Variants in USP53 observed in about 807,000 individuals in gnomAD.
USP53 encodes the protein ubiquitin carboxyl-terminal hydrolase 53.
USP53 carries 71 observed loss-of-function variants against 94.9 expected under a neutral mutation model. The observed-to-expected ratio is 0.75, with a 90% confidence interval of 0.62 to 0.91. The LOEUF (loss-of-function observed/expected upper bound fraction) is 0.91, where lower values mean the gene tolerates loss of function less well. USP53 is among the 40% of genes least tolerant of loss of function. The pLI is 0.00. For missense variants in USP53, 1,173 were observed against 1,281.0 expected (o/e 0.92, Z 1.29); for synonymous variants, 375 against 422.7 (o/e 0.89, Z 1.39).
chr4:119,245,317 A>G lies in USP53; in HGVS notation c.145-20A>G, dbSNP rs1029511748. On this transcript the variant is annotated intron_variant, in intron 5 of 18. Transcript: ENST00000692078. Reference sequence around the variant, plus strand: ...AAAATTTGTTTATTTCTTTTTCCTTAACATCTCCCTGTTTTTTAGGTTTTA... The same window carrying G: ...AAAATTTGTTTATTTCTTTTTCCTTGACATCTCCCTGTTTTTTAGGTTTTA... 1.9e-6 allele frequency: 3 copies of G among 1,607,680 alleles called. No individual in the cohort carries two copies. Among genetic ancestry groups the G allele is most frequent in the African/African-American group, 2.7e-5 (2 of 74,622 alleles).
chr4:119,222,917 T>G (rs1744744321), intron 3 of USP53, among the ~76,000 whole-genome samples: 2 of 152,196 alleles, frequency 1.3e-5, no homozygotes, highest in African/African-American at 4.8e-5. Context: ...TTTTATGATT[T>G]AAATCATTTC....
intron 7 of USP53, among the ~76,000 whole-genome samples, chr4:119,249,284 A>AT (rs1007354274): frequency 6.6e-6 from 1 of 152,036 alleles, no homozygotes; most frequent in Non-Finnish European, 1.5e-5. Flanking sequence ...TTTTGGTGGG[A>AT]TTTTGGTGGG....
At chr4:119,259,571 A>G (rs1173347402) in intron 9 of USP53, among the ~76,000 whole-genome samples, 1 of 152,188 alleles carries the variant, frequency 6.6e-6, no homozygotes, top group Non-Finnish European at 1.5e-5. Flanking sequence ...AGCCTCATTT[A>G]TCTAGTTCCA....
At chr4:119,285,032 A>G (rs918714225) in intron 17 of USP53, among the ~76,000 whole-genome samples, 1 of 151,954 alleles carries the variant, frequency 6.6e-6, no homozygotes, top group Non-Finnish European at 1.5e-5. Flanking sequence ...TCAAGTGGAC[A>G]TGCTTGGTAT....
At chr4:119,261,606 G>A in intron 11 of USP53, 109 bp from the exon 12 acceptor site, 2 of 789,092 alleles carry the variant, frequency 2.5e-6, no homozygotes, top group South Asian at 3.0e-5. Flanking sequence ...GATTGGGGCA[G>A]TATGCATGAG....
Position 119,293,283 on chromosome 4 carries a change from C to T in USP53, c.*72C>T. 2 of 1,478,484 alleles carry T rather than the reference C, an allele frequency of 1.4e-6. No individual in the cohort carries two copies. Among genetic ancestry groups the T allele is most frequent in the East Asian group, 2.3e-5 (1 of 44,020 alleles). The allele number at this position is 1,478,484 out of a possible 1,614,324, so 91.6% of individuals were successfully genotyped here. A position where few individuals can be genotyped will look rare whatever the true frequency, so the allele number is the denominator to read the frequency against. ...CTGCCCTTCTGAACAAAGATATAAA[C>T]CTAGCATACATTGTAATAGATAACT... On this transcript the variant is annotated 3_prime_UTR_variant, in exon 19 of 19. Transcript: ENST00000692078.
At chr4:119,229,286 A>G (rs1745735813) in intron 3 of USP53, among the ~76,000 whole-genome samples, 1 of 152,158 alleles carries the variant, frequency 6.6e-6, no homozygotes, top group Admixed American at 6.5e-5. Flanking sequence ...ATATTCTTTC[A>G]GGCTGCCACT....
chr4:119,260,016 T>G, intron 10 of USP53, 91 bp downstream of exon 10: 1 of 843,924 alleles, frequency 1.2e-6, no homozygotes, highest in Non-Finnish European at 1.7e-6. Context: ...ATTGATTCTA[T>G]ATCTAGAATT....
intron 3 of USP53, among the ~76,000 whole-genome samples, chr4:119,224,189 G>A (rs1303050254): frequency 2.0e-5 from 3 of 151,898 alleles, no homozygotes; most frequent in Non-Finnish European, 2.9e-5. Flanking sequence ...TAGTAGAGAC[G>A]GGGTTTCACC....
intron 10 of USP53, 143 bp downstream of exon 10, chr4:119,260,068 A>G (rs190684677): frequency 1.1e-5 from 6 of 521,832 alleles, no homozygotes; most frequent in African/African-American, 7.9e-5. Context: ...AGATTATACC[A>G]TGTGTATCAT....
Position 119,212,742 on chromosome 4 carries a change from GCAGT to G in USP53, c.-1068_-1065del, listed in dbSNP as rs779143927. The G allele has an allele frequency of 4.0e-5, 13 of 328,968 alleles. No homozygotes were observed. The highest frequency in any genetic ancestry group is 6.7e-5 in the Non-Finnish European group (11 of 163,846). 20.4% of individuals were successfully genotyped at this position (328,968 alleles called of 1,614,324 possible). ...CCCGGTGAGCCTCGGTACTGTGGCAGCAGTCAGTGTGTCTGGCGGGTGTCGGCGT... is the reference window on the plus strand; with the variant it reads ...CCCGGTGAGCCTCGGTACTGTGGCAGCAGTGTGTCTGGCGGGTGTCGGCGT... On this transcript the variant is annotated 5_prime_UTR_variant, in exon 1 of 19. Transcript: ENST00000692078.
rs1227170575 is a variant in USP53, at chr4:119,293,557, CATTT to C, written c.*347_*350del. ...AGAAAATCAGGGAGATATAATAATT[CATTT>C]GTCATATGCTACAGTTGAATAAAAA... On this transcript the variant is annotated 3_prime_UTR_variant, in exon 19 of 19. Transcript: ENST00000692078. 2.2e-5 allele frequency: 4 copies of C among 180,212 alleles called. No individual in the cohort carries two copies. Among genetic ancestry groups the C allele is most frequent in the East Asian group, 1.5e-4 (1 of 6,762 alleles). 11.2% of individuals were successfully genotyped at this position (180,212 alleles called of 1,614,324 possible).
At chr4:119,255,601 G>T (rs899228263) in intron 7 of USP53, among the ~76,000 whole-genome samples, 6 of 152,246 alleles carry the variant, frequency 3.9e-5, no homozygotes, top group African/African-American at 1.4e-4. Context: ...TAAGACCGTG[G>T]GAGAAGCTCA....
intron 2 of USP53, among the ~76,000 whole-genome samples, chr4:119,217,037 G>C (rs1743863993): frequency 6.6e-6 from 1 of 152,140 alleles, no homozygotes; most frequent in South Asian, 2.1e-4. Flanking sequence ...TTTGATTATA[G>C]ATGATGAAAC....
At chr4:119,256,630 C>CT in intron 9 of USP53, 107 bp downstream of exon 9, 1 of 1,125,118 alleles carries the variant, frequency 8.9e-7, no homozygotes, top group Non-Finnish European at 1.3e-6. Flanking sequence ...CCCTCTCTGT[C>CT]TGAGGCTACC....
intron 12 of USP53, among the ~76,000 whole-genome samples, chr4:119,263,230 A>C (rs957063709): frequency 6.6e-6 from 1 of 152,228 alleles, no homozygotes; most frequent in Non-Finnish European, 1.5e-5. Context: ...AGGTGAAACA[A>C]CTCAAGACAT....
At chr4:119,230,691 A>T (rs1305358355) in intron 3 of USP53, among the ~76,000 whole-genome samples, 2 of 152,332 alleles carry the variant, frequency 1.3e-5, no homozygotes, top group Non-Finnish European at 1.5e-5. Context: ...ACCAAAACAC[A>T]TGAAATAACA....
At chr4:119,254,485 G>A (rs1749485577) in intron 7 of USP53, among the ~76,000 whole-genome samples, 1 of 152,120 alleles carries the variant, frequency 6.6e-6, no homozygotes. Flanking sequence ...TCCAATCACT[G>A]ATATACTTTC....
At chr4:119,280,968 G>A (rs1394525971) in intron 17 of USP53, among the ~76,000 whole-genome samples, 1 of 152,154 alleles carries the variant, frequency 6.6e-6, no homozygotes, top group African/African-American at 2.4e-5. Flanking sequence ...GTAGAAAAGT[G>A]CAATTTTACA....
Sources: gnomAD v4.1 joint callset for allele counts (sites outside exome capture counted in the v4.1 genomes callset) on GRCh38, gnomAD v4.1.1 for gene constraint, MANE v1.5 for transcripts, NCBI Gene and HGNC (gene_info 2026-07-23, HGNC 2026-07-21) for gene names.